The following CYP19A1 variants were observed in gnomAD, a reference collection of about 807,000 sequenced individuals.
CYP19A1 encodes the protein aromatase.
Under a neutral mutation model 44.4 loss-of-function variants are expected in CYP19A1, and 32 were observed. The ratio of observed to expected loss-of-function variants is 0.72; its 90% CI spans 0.54 to 0.97. CYP19A1 has a LOEUF of 0.97. Among genes scored for constraint, CYP19A1 ranks in the 50% least tolerant of loss-of-function variants. The pLI is 0.00. For missense variants in CYP19A1, 598 were observed against 637.8 expected (o/e 0.94, Z 0.67); for synonymous variants, 212 against 215.6 (o/e 0.98, Z 0.14).
chr15:51,239,451 C>A (rs780003283), intron 2 of CYP19A1, among the ~76,000 whole-genome samples: 1 of 152,088 alleles, frequency 6.6e-6, no homozygotes, highest in Non-Finnish European at 1.5e-5. Context: ...TAACTCAATA[C>A]CCTATGGCAA....
intron 1 of CYP19A1, among the ~76,000 whole-genome samples, chr15:51,332,401 T>C (rs1309063995): frequency 2.0e-5 from 3 of 152,206 alleles, no homozygotes; most frequent in African/African-American, 4.8e-5. Flanking sequence ...TTCCCCTCTT[T>C]CTCCTTTAGA....
chr15:51,308,635 T>C (rs2036256624), intron 1 of CYP19A1, among the ~76,000 whole-genome samples: 1 of 152,080 alleles, frequency 6.6e-6, no homozygotes, highest in Admixed American at 6.5e-5. Flanking sequence ...GCTCTAGTGG[T>C]ATGAAGAGGT....
At chr15:51,266,896 C>T (rs893619517) in intron 1 of CYP19A1, among the ~76,000 whole-genome samples, 1 of 152,216 alleles carries the variant, frequency 6.6e-6, no homozygotes, top group Non-Finnish European at 1.5e-5. Flanking sequence ...GAGCTTTACA[C>T]ATTTTACTAT....
intron 1 of CYP19A1, among the ~76,000 whole-genome samples, chr15:51,315,146 T>G (rs2036398849): frequency 6.6e-6 from 1 of 152,090 alleles, no homozygotes; most frequent in Non-Finnish European, 1.5e-5. Flanking sequence ...CCTTTCAAAG[T>G]CCTTCACTTA....
chr15:51,328,993 G>A (rs1485403256), intron 1 of CYP19A1, among the ~76,000 whole-genome samples: 1 of 152,138 alleles, frequency 6.6e-6, no homozygotes, highest in African/African-American at 2.4e-5. Flanking sequence ...CCTCAGACCA[G>A]GCCTACACTC....
intron 1 of CYP19A1, chr15:51,321,145 C>G (rs1012856762): frequency 6.5e-6 from 1 of 152,796 alleles, no homozygotes; most frequent in Non-Finnish European, 1.5e-5. Context: ...CAAGCTACAG[C>G]CTTTGAACTT....
rs114024683 is a variant in CYP19A1 at position 51,300,259 on chromosome 15, T to A, written c.-39+38236A>T. Among the ~76,000 whole-genome samples, 844 of 152,334 alleles carry A rather than the reference T, an allele frequency of 5.5e-3. 11 individuals carry two copies. Among genetic ancestry groups the A allele is most frequent in the African/African-American group, 0.02 (813 of 41,584 alleles). On this transcript the variant is annotated intron_variant, in intron 1 of 9. Coordinates refer to ENST00000396402, the MANE Select transcript of CYP19A1 (RefSeq NM_000103.4). ...AAAGAGAAGGCAGATCCATGATCTC[T>A]ACTTCTTGTCTAGGCTCTGTGGAGT...
intron 1 of CYP19A1, among the ~76,000 whole-genome samples, chr15:51,265,038 A>G (rs2034865957): frequency 6.6e-6 from 1 of 152,236 alleles, no homozygotes; most frequent in South Asian, 2.1e-4. Context: ...ACACTTTCTT[A>G]TGTTACATAA....
At chr15:51,273,879 C>T (rs1392508532) in intron 1 of CYP19A1, among the ~76,000 whole-genome samples, 5 of 152,050 alleles carry the variant, frequency 3.3e-5, no homozygotes, top group African/African-American at 1.2e-4. Flanking sequence ...TGGTGGCAGG[C>T]GCCTGTAATC....
chr15:51,296,349 C>A (rs559095725), intron 1 of CYP19A1, among the ~76,000 whole-genome samples: 1 of 152,154 alleles, frequency 6.6e-6, no homozygotes, highest in East Asian at 1.9e-4. Flanking sequence ...GTGAGTGTCC[C>A]TCTCCCAAGT....
Position 51,312,558 on chromosome 15 carries a change from A to G in CYP19A1, c.-39+25937T>C, listed in dbSNP as rs562336360. ...GTCCTCTTTCCCATCACCAAGAACC[A>G]AAGTCCTGGGTAATGCCGGAGCCAC... On this transcript the variant is annotated intron_variant, in intron 1 of 9. Transcript: ENST00000396402. 9.2e-5 allele frequency: 14 copies of G among 152,502 alleles called. No individual in the cohort carries two copies. In the East Asian group the frequency reaches 2.5e-3, roughly 27 times the overall value. 9.4% of individuals were successfully genotyped at this position (152,502 alleles called of 1,614,324 possible).
intron 1 of CYP19A1, among the ~76,000 whole-genome samples, chr15:51,268,527 C>G (rs1437552660): frequency 3.5e-5 from 5 of 144,746 alleles, no homozygotes; most frequent in African/African-American, 1.2e-4. Context: ...CTTCCCCCCC[C>G]CCCTTTTTTT....
intron 1 of CYP19A1, among the ~76,000 whole-genome samples, chr15:51,324,966 A>G (rs1026108514): frequency 3.9e-5 from 6 of 152,226 alleles, no homozygotes; most frequent in African/African-American, 1.4e-4. Context: ...AAGCAGGATA[A>G]ATAAAGAAAA....
At chr15:51,326,319 T>G (rs970611063) in intron 1 of CYP19A1, among the ~76,000 whole-genome samples, 1 of 152,104 alleles carries the variant, frequency 6.6e-6, no homozygotes, top group Non-Finnish European at 1.5e-5. Context: ...GAAGCTCTTC[T>G]AGAAAAAGAA....
At chr15:51,258,506 C>T (rs1309817558) in intron 1 of CYP19A1, among the ~76,000 whole-genome samples, 1 of 152,226 alleles carries the variant, frequency 6.6e-6, no homozygotes, top group Non-Finnish European at 1.5e-5. Context: ...GTATGTGCCT[C>T]AGCCTCGTTC....
chr15:51,260,251 G>A (rs2034664035), intron 1 of CYP19A1, among the ~76,000 whole-genome samples: 1 of 152,218 alleles, frequency 6.6e-6, no homozygotes, highest in South Asian at 2.1e-4. Context: ...CTAAAGGGCT[G>A]CTGAAGCCTT....
intron 2 of CYP19A1, among the ~76,000 whole-genome samples, chr15:51,240,477 C>G (rs560289481): frequency 6.6e-6 from 1 of 152,262 alleles, no homozygotes; most frequent in South Asian, 2.1e-4. Flanking sequence ...TTTCACTGTT[C>G]CTGAGCTTTC....
intron 1 of CYP19A1, among the ~76,000 whole-genome samples, chr15:51,262,667 C>A (rs2034774419): frequency 6.6e-6 from 1 of 152,212 alleles, no homozygotes. Flanking sequence ...TTCCCCATTT[C>A]TGGCAAAAGA....
intron 2 of CYP19A1, 81 bp from the exon 3 acceptor site, chr15:51,237,090 C>T: frequency 3.4e-6 from 5 of 1,475,342 alleles, no homozygotes; most frequent in Non-Finnish European, 4.7e-6. Flanking sequence ...TGTTTTTGTT[C>T]TTTTATAGCT....
Sources: gnomAD v4.1 joint callset for allele counts (sites outside exome capture counted in the v4.1 genomes callset) on GRCh38, gnomAD v4.1.1 for gene constraint, MANE v1.5 for transcripts, NCBI Gene and HGNC (gene_info 2026-07-23, HGNC 2026-07-21) for gene names.